Variants in APPL1 observed in about 807,000 individuals in gnomAD.
APPL1 encodes the protein adaptor protein, phosphotyrosine interacting with PH domain and leucine zipper 1, also known as DCC-interacting protein 13-alpha.
A neutral mutation model predicts 106.8 loss-of-function variants in APPL1; 42 were observed. The observed-to-expected ratio is 0.39, with a 90% confidence interval of 0.31 to 0.51. APPL1 has a LOEUF of 0.51. Ranked by LOEUF, APPL1 falls within the 20% of genes least tolerant of loss-of-function variation. The probability of loss-of-function intolerance (pLI) is 0.75; values close to 1 mark genes in which losing one functional copy is unlikely to be tolerated. For missense variants in APPL1, 769 were observed against 858.2 expected, an observed-to-expected ratio of 0.90 and a Z score of 1.30; for synonymous variants, 263 against 281.8, an observed-to-expected ratio of 0.93 and a Z score of 0.67.
intron 1 of APPL1, among the ~76,000 whole-genome samples, chr3:57,235,316 A>G (rs922642988): frequency 6.6e-6 from 1 of 152,194 alleles, no homozygotes; most frequent in African/African-American, 2.4e-5. Flanking sequence ...TTAGTTTATG[A>G]AAATATACCT....
chr3:57,227,963 C>A, intron 1 of APPL1, 26 bp downstream of exon 1: 1 of 1,418,002 alleles, frequency 7.1e-7, no homozygotes, highest in Non-Finnish European at 9.3e-7. Context: ...TGGTGGGCGA[C>A]GAGGGAGAGC....
At chr3:57,247,142 G>A (rs1437461622) in intron 8 of APPL1, among the ~76,000 whole-genome samples, 5 of 152,018 alleles carry the variant, frequency 3.3e-5, no homozygotes, top group Non-Finnish European at 5.9e-5. Flanking sequence ...TTAAAAGATT[G>A]TTAACCATAT....
At chr3:57,239,149 C>G (rs568197011) in intron 4 of APPL1, among the ~76,000 whole-genome samples, 102 of 152,230 alleles carry the variant, frequency 6.7e-4, no homozygotes, top group African/African-American at 2.4e-3. Context: ...TTCACTACCA[C>G]GAGAACAGTA....
intron 7 of APPL1, among the ~76,000 whole-genome samples, chr3:57,245,278 T>C (rs931725144): frequency 6.6e-6 from 1 of 152,096 alleles, no homozygotes; most frequent in Non-Finnish European, 1.5e-5. Context: ...TCAATAAATA[T>C]TTGTTGTCTG....
chr3:57,260,592 A>G, intron 18 of APPL1, 36 bp from the exon 19 acceptor site: 1 of 1,577,604 alleles, frequency 6.3e-7, no homozygotes, highest in Non-Finnish European at 8.6e-7. Flanking sequence ...ATGACTTGTA[A>G]GATCTCATGT....
chr3:57,239,214 A>C (rs182919232), intron 4 of APPL1, among the ~76,000 whole-genome samples: 12 of 152,268 alleles, frequency 7.9e-5, no homozygotes, highest in African/African-American at 2.9e-4. Context: ...CTCCCACAAC[A>C]TGTGGGAATT....
At chr3:57,253,541 G>A (rs973777579) in intron 12 of APPL1, 141 bp from the exon 13 acceptor site, 1 of 527,848 alleles carries the variant, frequency 1.9e-6, no homozygotes, top group Admixed American at 5.0e-5. Context: ...TGAAACATCT[G>A]TTATGAAATG....
intron 19 of APPL1, 49 bp from the exon 20 acceptor site, chr3:57,267,693 G>A (rs754170946): frequency 5.9e-6 from 9 of 1,520,174 alleles, no homozygotes; most frequent in Non-Finnish European, 8.2e-6. Context: ...TGACATTTTT[G>A]CTTTGTTGTG....
chr3:57,256,494 C>T (rs1234792605), intron 13 of APPL1, among the ~76,000 whole-genome samples: 1 of 152,010 alleles, frequency 6.6e-6, no homozygotes, highest in Non-Finnish European at 1.5e-5. Flanking sequence ...AAAACTTTAC[C>T]AGCATAGTTA....
intron 15 of APPL1, among the ~76,000 whole-genome samples, chr3:57,257,953 C>G (rs968229322): frequency 3.3e-5 from 5 of 152,142 alleles, no homozygotes; most frequent in Non-Finnish European, 7.4e-5. Flanking sequence ...TAAGGCAAAT[C>G]ATTTATTAAG....
chr3:57,232,565 CA>C (rs2060692544), intron 1 of APPL1, among the ~76,000 whole-genome samples: 1 of 152,124 alleles, frequency 6.6e-6, no homozygotes, highest in Admixed American at 6.5e-5. Context: ...ATGACATCAT[CA>C]AAATTTGCTG....
rs749395913 is a variant in APPL1 at position 57,269,919 on chromosome 3, C to T, written c.*232C>T. On this transcript the variant is annotated 3_prime_UTR_variant, in exon 22 of 22. Coordinates refer to ENST00000288266, the MANE Select transcript of APPL1 (RefSeq NM_012096.3). ...TATTAACATCTAAAGGAAACCTGCTCATCTCCCTGAAGCAGACTGCTGAGG... is the reference window on the plus strand; with the variant it reads ...TATTAACATCTAAAGGAAACCTGCTTATCTCCCTGAAGCAGACTGCTGAGG... The T allele has an allele frequency of 1.1e-5, 4 of 353,444 alleles. No homozygotes were observed. The highest frequency in any genetic ancestry group is 4.4e-5 in the Admixed American group (1 of 22,638). 21.9% of individuals were successfully genotyped at this position (353,444 alleles called of 1,614,324 possible).
intron 19 of APPL1, among the ~76,000 whole-genome samples, chr3:57,262,434 C>A (rs1463438357): frequency 1.4e-5 from 1 of 72,684 alleles, no homozygotes; most frequent in Non-Finnish European, 2.7e-5. Context: ...GCTCTGTTGC[C>A]CAGGCTGGAG....
At chr3:57,241,417 C>T (rs2060745825) in intron 5 of APPL1, among the ~76,000 whole-genome samples, 2 of 151,976 alleles carry the variant, frequency 1.3e-5, no homozygotes, top group Admixed American at 1.3e-4. Context: ...GTTTTGCTTT[C>T]CCATAACTTG....
intron 4 of APPL1, among the ~76,000 whole-genome samples, chr3:57,239,388 A>C (rs1344457681): frequency 2.0e-5 from 3 of 152,206 alleles, no homozygotes; most frequent in South Asian, 2.1e-4. Flanking sequence ...TCATAATTTT[A>C]GACTTCTTTA....
At chr3:57,247,519 A>G in intron 9 of APPL1, 42 bp downstream of exon 9, 1 of 1,199,272 alleles carries the variant, frequency 8.3e-7, no homozygotes. Flanking sequence ...AAATGATGTG[A>G]ATGATAACAG....
chr3:57,242,924 A>T lies in APPL1; in HGVS notation c.474+10A>T. 1 of 1,600,010 alleles carries T rather than the reference A, an allele frequency of 6.2e-7. No individual in the cohort carries two copies. The highest frequency in any genetic ancestry group is 8.6e-7 in the Non-Finnish European group (1 of 1,168,680). ...AAGAGAAAATGACAAGGTGTGGTAC[A>T]TATTTATTCCTTCAGTGTCATAATT... On this transcript the variant is annotated intron_variant, in intron 7 of 21. Coordinates refer to ENST00000288266, the MANE Select transcript of APPL1 (RefSeq NM_012096.3).
intron 16 of APPL1, 97 bp from the exon 17 acceptor site, chr3:57,259,748 G>A (rs543284058): frequency 4.6e-5 from 48 of 1,034,946 alleles, no homozygotes; most frequent in Non-Finnish European, 6.3e-5. Context: ...AGGAGGCAGT[G>A]TATTTTATTC....
At position 57,271,996 on chromosome 3, in the gene APPL1, A is replaced by C. The variant is rs1446730949; in HGVS notation, c.*2309A>C. 6.6e-6 allele frequency: 1 copy of C among 152,208 alleles called. No homozygotes were observed. The highest frequency in any genetic ancestry group is 1.5e-5 in the Non-Finnish European group (1 of 68,038). 9.4% of individuals were successfully genotyped at this position (152,208 alleles called of 1,614,324 possible). A position where few individuals can be genotyped will look rare whatever the true frequency, so the allele number is the denominator to read the frequency against. ...AAAGGCTGCCCATGGGTTTCTGCCTAGTGGTAAAGCTGATTGTTACCCTCC... is the reference window on the plus strand; with the variant it reads ...AAAGGCTGCCCATGGGTTTCTGCCTCGTGGTAAAGCTGATTGTTACCCTCC... On this transcript the variant is annotated 3_prime_UTR_variant, in exon 22 of 22. Transcript: ENST00000288266.
Sources: gnomAD v4.1 joint callset for allele counts (sites outside exome capture counted in the v4.1 genomes callset) on GRCh38, gnomAD v4.1.1 for gene constraint, MANE v1.5 for transcripts, NCBI Gene and HGNC (gene_info 2026-07-23, HGNC 2026-07-21) for gene names.